NLRC4: variants seen among roughly 807,000 people sequenced by gnomAD.
NLRC4 encodes the protein NLR family CARD domain-containing protein 4.
A neutral mutation model predicts 79.9 loss-of-function variants in NLRC4; 63 were observed. The observed-to-expected ratio is 0.79, with a 90% CI of 0.64 to 0.97. The LOEUF is 0.97. Among genes scored for constraint, NLRC4 ranks in the 50% least tolerant of loss-of-function variants. The probability of loss-of-function intolerance (pLI) is 0.00; values close to 1 mark genes in which losing one functional copy is unlikely to be tolerated. For missense variants in NLRC4, 1,074 were observed against 1,215.2 expected (o/e 0.88, Z 1.73); for synonymous variants, 461 against 456.5 (o/e 1.01, Z -0.12).
chr2:32,243,506 A>G (rs1408993677), intron 4 of NLRC4, among the ~76,000 whole-genome samples: 2 of 151,906 alleles, frequency 1.3e-5, no homozygotes, highest in East Asian at 3.9e-4. Context: ...TCAGTCATGC[A>G]TAAAAGAATA....
chr2:32,256,195 A>T (rs1431965161), intron 2 of NLRC4, among the ~76,000 whole-genome samples: 1 of 152,070 alleles, frequency 6.6e-6, no homozygotes, highest in African/African-American at 2.4e-5. Flanking sequence ...CTTTGTCTAG[A>T]CCAATGCTTT....
intron 4 of NLRC4, among the ~76,000 whole-genome samples, chr2:32,242,581 T>C (rs1349542494): frequency 6.6e-6 from 1 of 152,200 alleles, no homozygotes; most frequent in Non-Finnish European, 1.5e-5. Flanking sequence ...CTGCCACACA[T>C]TTTCATTTTT....
At chr2:32,263,842 T>G (rs1433636910) in intron 1 of NLRC4, among the ~76,000 whole-genome samples, 2 of 152,320 alleles carry the variant, frequency 1.3e-5, no homozygotes, top group East Asian at 3.9e-4. Context: ...TTAAGAAGTG[T>G]GCTGACCAGG....
intron 1 of NLRC4, among the ~76,000 whole-genome samples, chr2:32,260,231 A>AC (rs1423782244): frequency 1.1e-4 from 17 of 151,256 alleles, no homozygotes; most frequent in South Asian, 2.1e-4. Context: ...AAAAAAAAAA[A>AC]AACAACGAAA....
At chr2:32,233,320 AATATATAT>A (rs1257781417) in intron 8 of NLRC4, among the ~76,000 whole-genome samples, 54 of 67,230 alleles carry the variant, frequency 8.0e-4, no homozygotes, top group Admixed American at 2.1e-3. Flanking sequence ...AGAAATTTTA[AATATATAT>A]ATATATATAT....
chr2:32,265,163 T>C (rs906308471), upstream of NLRC4, among the ~76,000 whole-genome samples: 4 of 151,320 alleles, frequency 2.6e-5, no homozygotes, highest in South Asian at 4.2e-4. Flanking sequence ...ATCCAACATA[T>C]ATTTTTTTTC....
Position 32,249,638 on chromosome 2 carries a change from AC to A in NLRC4, c.2225del (p.Ser742IlefsTer14). On this transcript the variant is annotated frameshift_variant, in exon 4 of 9. Transcript: ENST00000402280. LOFTEE classifies it high-confidence loss of function. ...ITSVTNLKTLSIHDLQNQRLP... is the reference protein window; with the variant it reads ...ITSVTNLKTLXIHDLQNQRLP... ...GCCGTTGATTCTGTAGGTCATGAATACTCAAGGTTTTCAGGTTTGTTACAGA... is the reference window on the plus strand; with the variant it reads ...GCCGTTGATTCTGTAGGTCATGAATATCAAGGTTTTCAGGTTTGTTACAGA... 1 of 1,609,444 alleles carries A rather than the reference AC, an allele frequency of 6.2e-7. No homozygotes were observed. The highest frequency in any genetic ancestry group is 8.5e-7 in the Non-Finnish European group (1 of 1,178,168).
chr2:32,245,342 T>G (rs1166962605), intron 4 of NLRC4, among the ~76,000 whole-genome samples: 1 of 131,224 alleles, frequency 7.6e-6, no homozygotes, highest in South Asian at 2.4e-4. Context: ...AACAGATGAA[T>G]AGAGGTCATT....
At chr2:32,255,777 G>A (rs1687193584) in intron 2 of NLRC4, among the ~76,000 whole-genome samples, 1 of 152,130 alleles carries the variant, frequency 6.6e-6, no homozygotes, top group Non-Finnish European at 1.5e-5. Context: ...CATTTTGGGA[G>A]GCCGAGGCGG....
intron 2 of NLRC4, among the ~76,000 whole-genome samples, chr2:32,256,017 C>CA (rs1161149617): frequency 8.3e-4 from 111 of 134,196 alleles, no homozygotes; most frequent in South Asian, 3.0e-3. Context: ...CCATCTCACA[C>CA]AAAAAAAAAA....
chr2:32,240,388 G>A (rs1456215785), intron 5 of NLRC4, among the ~76,000 whole-genome samples: 2 of 129,332 alleles, frequency 1.5e-5, no homozygotes, highest in Non-Finnish European at 1.6e-5. Context: ...ACTCAAGTAG[G>A]GAAAAAAAGA....
intron 8 of NLRC4, among the ~76,000 whole-genome samples, chr2:32,226,920 T>A (rs751364379): frequency 2.6e-5 from 4 of 152,028 alleles, no homozygotes; most frequent in Non-Finnish European, 5.9e-5. Context: ...CTGCTAGTTG[T>A]TCCCAAAACT....
chr2:32,242,475 C>G (rs1686829104), intron 4 of NLRC4, among the ~76,000 whole-genome samples: 1 of 152,154 alleles, frequency 6.6e-6, no homozygotes, highest in Non-Finnish European at 1.5e-5. Context: ...GAGTAGGTAA[C>G]CGGAATAACC....
intron 1 of NLRC4, among the ~76,000 whole-genome samples, chr2:32,258,135 G>T (rs1687251633): frequency 6.6e-6 from 1 of 152,064 alleles, no homozygotes; most frequent in Non-Finnish European, 1.5e-5. Context: ...GTTTTTCCCC[G>T]GAGTAAGACC....
At chr2:32,259,572 T>C (rs1174820509) in intron 1 of NLRC4, among the ~76,000 whole-genome samples, 1 of 152,100 alleles carries the variant, frequency 6.6e-6, no homozygotes, top group Non-Finnish European at 1.5e-5. Flanking sequence ...TATTGGTTTA[T>C]TATTCTTTCT....
chr2:32,254,818 A>G (rs1434149325), intron 2 of NLRC4, among the ~76,000 whole-genome samples: 1 of 151,654 alleles, frequency 6.6e-6, no homozygotes, highest in African/African-American at 2.4e-5. Flanking sequence ...AGATTTCTCT[A>G]TGTTGGTCAG....
chr2:32,263,473 A>G (rs1051974066), intron 1 of NLRC4, among the ~76,000 whole-genome samples: 3 of 152,188 alleles, frequency 2.0e-5, no homozygotes, highest in African/African-American at 7.2e-5. Flanking sequence ...CAGCAATCTC[A>G]CATGTTAATA....
In NLRC4 at chr2:32,232,845, T is replaced by C. The variant is rs116694486; in HGVS notation, c.2782+2556A>G. 2.0e-3 allele frequency among the ~76,000 whole-genome samples: 306 copies of C among 152,262 alleles called. 2 individuals carry two copies. Among genetic ancestry groups the C allele is most frequent in the African/African-American group, 7.1e-3 (296 of 41,542 alleles). ...GAGGTTGTGGTTTGAGAATGGGATA[T>C]CTGCATTTATTATTTTGCAGGTAGA... On this transcript the variant is annotated intron_variant, in intron 8 of 8. Transcript: ENST00000402280.
At position 32,249,717 on chromosome 2, in the gene NLRC4, G is replaced by T. The variant is rs751234221; in HGVS notation, c.2147C>A (p.Ser716Tyr). 3 of 1,614,098 alleles carry T rather than the reference G, an allele frequency of 1.9e-6. No homozygotes were observed. In the South Asian group the frequency reaches 3.3e-5, roughly 18 times the overall value. ...GAGGGGACTGGCTTCCACCATGAGAGAATAAATGTTCTTACAGGTGCTGAG... is the reference window on the plus strand; with the variant it reads ...GAGGGGACTGGCTTCCACCATGAGATAATAAATGTTCTTACAGGTGCTGAG... ...LVLSTCKNIY[S>Y]LMVEASPLTI... The change falls in exon 4 of 9, where the codon TCT (serine) becomes TAT (tyrosine). Residue 716 changes from serine (S) to tyrosine (Y), a missense_variant. By Grantham distance (144) the Ser-to-Tyr change is moderately radical. Transcript: ENST00000402280.
Sources: allele counts gnomAD v4.1 joint callset (sites outside exome capture counted in the v4.1 genomes callset), GRCh38; gene constraint gnomAD v4.1.1; transcripts MANE v1.5; gene names NCBI Gene and HGNC (gene_info 2026-07-23, HGNC 2026-07-21).